TGM6: variants seen among roughly 807,000 people sequenced by gnomAD.
TGM6 encodes the protein transglutaminase 6, also known as protein-glutamine gamma-glutamyltransferase 6.
TGM6 carries 74 observed loss-of-function variants against 77.5 expected under a neutral mutation model. The observed-to-expected ratio is 0.96, with a 90% CI of 0.79 to 1.16. TGM6 has a LOEUF of 1.16. Among genes scored for constraint, TGM6 ranks in the 50% most tolerant of loss-of-function variants. The probability of loss-of-function intolerance (pLI) is 0.00; values close to 1 mark genes in which losing one functional copy is unlikely to be tolerated. For synonymous variants in TGM6, 383 were observed against 378.9 expected, an observed-to-expected ratio of 1.01 and a Z score of -0.12; for missense variants, 968 against 940.2, an observed-to-expected ratio of 1.03 and a Z score of -0.39.
At chr20:2,381,336 A>G (rs369543585) in intron 1 of TGM6, among the ~76,000 whole-genome samples, 2 of 152,142 alleles carry the variant, frequency 1.3e-5, no homozygotes, top group Admixed American at 6.5e-5. Flanking sequence ...GTTTCTGGGC[A>G]TAGTTGGGAA....
chr20:2,405,454 T>C (rs966698094), intron 9 of TGM6, among the ~76,000 whole-genome samples: 1 of 152,180 alleles, frequency 6.6e-6, no homozygotes, highest in Admixed American at 6.5e-5. Flanking sequence ...AGGTGGTCTC[T>C]AGTGTGCAAC....
intron 10 of TGM6, among the ~76,000 whole-genome samples, chr20:2,422,405 C>G (rs1460993268): frequency 6.6e-6 from 1 of 152,116 alleles, no homozygotes; most frequent in Non-Finnish European, 1.5e-5. Context: ...TTTCTGAACT[C>G]TCTTCTATTC....
intron 1 of TGM6, among the ~76,000 whole-genome samples, chr20:2,387,964 C>A (rs757669527): frequency 2.0e-5 from 3 of 152,120 alleles, no homozygotes; most frequent in Non-Finnish European, 4.4e-5. Context: ...CTCCGTGGGC[C>A]ATTTGGGTTT....
intron 10 of TGM6, among the ~76,000 whole-genome samples, chr20:2,422,064 G>A (rs769804365): frequency 1.3e-5 from 2 of 152,100 alleles, no homozygotes; most frequent in Non-Finnish European, 2.9e-5. Flanking sequence ...CCCGGGAGGC[G>A]GAGGTTGCAG....
chr20:2,402,840 A>T (rs1432604369), intron 7 of TGM6, among the ~76,000 whole-genome samples: 1 of 152,212 alleles, frequency 6.6e-6, no homozygotes, highest in Admixed American at 6.5e-5. Flanking sequence ...TCCCAGAGAT[A>T]CTTAAATACT....
intron 9 of TGM6, among the ~76,000 whole-genome samples, chr20:2,411,911 G>A (rs900226279): frequency 2.0e-5 from 3 of 152,152 alleles, no homozygotes; most frequent in African/African-American, 7.2e-5. Flanking sequence ...ATACAATCCA[G>A]CAATTCAGCT....
At chr20:2,416,190 T>G (rs2084815653) in intron 9 of TGM6, among the ~76,000 whole-genome samples, 1 of 152,180 alleles carries the variant, frequency 6.6e-6, no homozygotes, top group Admixed American at 6.5e-5. Context: ...ATAGGCAGTA[T>G]GCCCAGCATA....
At chr20:2,400,473 G>C (rs1444649997) in intron 7 of TGM6, 29 bp downstream of exon 7, 1 of 1,613,612 alleles carries the variant, frequency 6.2e-7, no homozygotes, top group Non-Finnish European at 8.5e-7. Context: ...CTAGGCCCGA[G>C]GGCTCTGGAA....
At chr20:2,407,070 A>C (rs1197185532) in intron 9 of TGM6, among the ~76,000 whole-genome samples, 5 of 152,162 alleles carry the variant, frequency 3.3e-5, no homozygotes, top group Admixed American at 6.5e-5. Flanking sequence ...AGATGTACAG[A>C]GAGGCAAGTT....
At chr20:2,430,689 GC>G in intron 11 of TGM6, 89 bp downstream of exon 11, 6 of 1,603,570 alleles carry the variant, frequency 3.7e-6, no homozygotes, top group Non-Finnish European at 5.1e-6. Flanking sequence ...GGGGGTTTGT[GC>G]CTTTAACTCC....
At chr20:2,393,118 C>T (rs759320067) in intron 1 of TGM6, among the ~76,000 whole-genome samples, 3 of 152,204 alleles carry the variant, frequency 2.0e-5, no homozygotes, top group Admixed American at 6.5e-5. Flanking sequence ...TGTATATGCA[C>T]GTTGCTAATA....
chr20:2,392,635 A>G (rs2084636567), intron 1 of TGM6, among the ~76,000 whole-genome samples: 1 of 152,222 alleles, frequency 6.6e-6, no homozygotes, highest in African/African-American at 2.4e-5. Context: ...AAGGCGGGCC[A>G]GGAACAGTGG....
At chr20:2,399,493 T>C in intron 5 of TGM6, 68 bp from the exon 6 acceptor site, 1 of 1,610,154 alleles carries the variant, frequency 6.2e-7, no homozygotes, top group Non-Finnish European at 8.5e-7. Flanking sequence ...GGACAGGATT[T>C]GACCACGATG....
At chr20:2,415,973 G>A (rs1010333236) in intron 9 of TGM6, among the ~76,000 whole-genome samples, 18 of 152,304 alleles carry the variant, frequency 1.2e-4, no homozygotes, top group African/African-American at 4.1e-4. Context: ...TGAAGACCAT[G>A]GACAACAAGA....
chr20:2,414,221 T>C (rs2084801025), intron 9 of TGM6, among the ~76,000 whole-genome samples: 2 of 151,792 alleles, frequency 1.3e-5, no homozygotes, highest in Admixed American at 1.3e-4. Context: ...AATAAAGAAA[T>C]AAATAAATAA....
chr20:2,401,753 GTA>G (rs1448575182), intron 7 of TGM6, among the ~76,000 whole-genome samples: 2 of 152,164 alleles, frequency 1.3e-5, no homozygotes. Context: ...AAGCATAAGG[GTA>G]TGAACCCAGT....
chr20:2,392,749 A>G (rs541269813), intron 1 of TGM6, among the ~76,000 whole-genome samples: 41 of 152,262 alleles, frequency 2.7e-4, no homozygotes, highest in African/African-American at 9.1e-4. Flanking sequence ...CAAAAATACA[A>G]AAAATTAGCT....
At chr20:2,415,090 T>C (rs867611443) in intron 9 of TGM6, among the ~76,000 whole-genome samples, 1 of 152,252 alleles carries the variant, frequency 6.6e-6, no homozygotes, top group Middle Eastern at 3.4e-3. Flanking sequence ...AATCAGGTGG[T>C]CAGAGAAGGC....
chr20:2,417,594 T>A (rs1319588898), intron 10 of TGM6, 21 bp downstream of exon 10: 1 of 1,586,918 alleles, frequency 6.3e-7, no homozygotes, highest in East Asian at 2.3e-5. Flanking sequence ...GCTGGCTTGG[T>A]GGAATCAGGC....
Sources: allele counts gnomAD v4.1 joint callset (sites outside exome capture counted in the v4.1 genomes callset), GRCh38; gene constraint gnomAD v4.1.1; transcripts MANE v1.5; gene names NCBI Gene and HGNC (gene_info 2026-07-23, HGNC 2026-07-21).